The following NLGN1 variants were observed in gnomAD, a reference collection of about 807,000 sequenced individuals.
NLGN1 encodes the protein neuroligin-1.
In NLGN1, 12 loss-of-function variants were observed where a neutral mutation model predicts 65.5. The observed-to-expected ratio is 0.18, with a 90% CI of 0.12 to 0.30. The LOEUF (loss-of-function observed/expected upper bound fraction) is 0.30. NLGN1 is among the 10% of genes least tolerant of loss of function. The probability of loss-of-function intolerance (pLI) is 1.00; values close to 1 mark genes in which losing one functional copy is unlikely to be tolerated. For synonymous variants in NLGN1, 350 were observed against 359.5 expected (o/e 0.97, Z 0.30); for missense variants, 750 against 1,007.1 (o/e 0.74, Z 3.46).
At chr3:173,734,976 CT>C (rs1773512752) in intron 3 of NLGN1, among the ~76,000 whole-genome samples, 1 of 152,076 alleles carries the variant, frequency 6.6e-6, no homozygotes, top group South Asian at 2.1e-4. Context: ...ACATTCTTCT[CT>C]GCAAAGGTTT....
chr3:173,843,412 C>T (rs544046102), intron 4 of NLGN1, among the ~76,000 whole-genome samples: 2 of 152,334 alleles, frequency 1.3e-5, no homozygotes, highest in African/African-American at 4.8e-5. Flanking sequence ...ATTTTCTTTT[C>T]TATTGCATTG....
intron 4 of NLGN1, among the ~76,000 whole-genome samples, chr3:174,137,863 A>G (rs1299526246): frequency 1.3e-5 from 2 of 152,190 alleles, no homozygotes; most frequent in East Asian, 3.8e-4. Flanking sequence ...CTGGGAATAA[A>G]CAAAAACAGA....
chr3:173,680,282 C>A (rs1042956114), intron 3 of NLGN1, among the ~76,000 whole-genome samples: 2 of 152,026 alleles, frequency 1.3e-5, no homozygotes, highest in Non-Finnish European at 2.9e-5. Flanking sequence ...TTAAGTATTT[C>A]ACTTACTTAT....
intron 4 of NLGN1, among the ~76,000 whole-genome samples, chr3:174,018,332 G>A (rs979504437): frequency 4.6e-5 from 7 of 152,012 alleles, no homozygotes; most frequent in Non-Finnish European, 8.8e-5. Flanking sequence ...CTCAGCTTAC[G>A]AAGATGACAG....
chr3:174,059,090 T>A (rs1736820713), intron 4 of NLGN1, among the ~76,000 whole-genome samples: 1 of 152,154 alleles, frequency 6.6e-6, no homozygotes, highest in Non-Finnish European at 1.5e-5. Flanking sequence ...TCTTCAAGTG[T>A]TTGGTGCTAA....
chr3:173,906,267 A>AT (rs1738368681), intron 4 of NLGN1, among the ~76,000 whole-genome samples: 2 of 151,998 alleles, frequency 1.3e-5, no homozygotes, highest in South Asian at 4.1e-4. Context: ...TTTTATTAGC[A>AT]TTTTTTCCAT....
intron 2 of NLGN1, among the ~76,000 whole-genome samples, chr3:173,573,894 T>TCTA (rs1271017899): frequency 6.6e-6 from 1 of 151,132 alleles, no homozygotes; most frequent in Non-Finnish European, 1.5e-5. Flanking sequence ...AAACCCCGTC[T>TCTA]CTACTAAAAA....
chr3:173,707,576 C>T (rs1560208773), intron 3 of NLGN1, among the ~76,000 whole-genome samples: 2 of 152,080 alleles, frequency 1.3e-5, no homozygotes, highest in Admixed American at 1.3e-4. Context: ...GACTGAGTCT[C>T]TGTCTCCCAA....
chr3:173,432,587 T>A lies in NLGN1; in HGVS notation c.-389-2423T>A, dbSNP rs375992327. Among the ~76,000 whole-genome samples the A allele has an allele frequency of 1.9e-4, 29 of 152,348 alleles. No individual in the cohort carries two copies. In the East Asian group the frequency reaches 3.7e-3, roughly 19 times the overall value. On this transcript the variant is annotated intron_variant, in intron 1 of 6. Transcript: ENST00000457714. The stretch of plus-strand genomic sequence containing the variant: ...TTTAATCAGGTTATTCATTTTTTTA[T>A]TGTTGAGTTTTAAGAGTTCCTTGTA...
At chr3:174,028,345 T>G (rs1306969248) in intron 4 of NLGN1, among the ~76,000 whole-genome samples, 1 of 152,150 alleles carries the variant, frequency 6.6e-6, no homozygotes. Context: ...AAAATGCAGA[T>G]AGTGATATGG....
At chr3:173,466,483 T>G (rs981734467) in intron 2 of NLGN1, among the ~76,000 whole-genome samples, 2 of 152,124 alleles carry the variant, frequency 1.3e-5, no homozygotes, top group Non-Finnish European at 2.9e-5. Context: ...GGGAAGGAGG[T>G]GCAGAATAGG....
intron 4 of NLGN1, among the ~76,000 whole-genome samples, chr3:173,916,534 A>G (rs1740763460): frequency 6.6e-6 from 1 of 152,180 alleles, no homozygotes; most frequent in Non-Finnish European, 1.5e-5. Flanking sequence ...TGTCATAATA[A>G]TAATTAGGAC....
At chr3:174,095,720 C>T (rs1425694548) in intron 4 of NLGN1, among the ~76,000 whole-genome samples, 2 of 151,924 alleles carry the variant, frequency 1.3e-5, no homozygotes, top group Admixed American at 1.3e-4. Flanking sequence ...TAATTTTAGG[C>T]TGGGCACAGT....
chr3:173,552,042 C>A (rs756452216), intron 2 of NLGN1, among the ~76,000 whole-genome samples: 1 of 152,194 alleles, frequency 6.6e-6, no homozygotes, highest in South Asian at 2.1e-4. Flanking sequence ...TGAATGATCT[C>A]CTCCTTTGAG....
intron 2 of NLGN1, among the ~76,000 whole-genome samples, chr3:173,447,477 A>G (rs2148825736): frequency 6.6e-6 from 1 of 152,272 alleles, no homozygotes; most frequent in South Asian, 2.1e-4. Flanking sequence ...GCCTTGTAGT[A>G]TAGTTTGAAG....
chr3:173,420,153 GC>G, intron 1 of NLGN1, among the ~76,000 whole-genome samples: 1 of 150,164 alleles, frequency 6.7e-6, no homozygotes, highest in Non-Finnish European at 1.5e-5. Flanking sequence ...GTATACATGT[GC>G]CATGTTGGTG....
At chr3:174,263,282 G>A (rs1161916394) in intron 4 of NLGN1, among the ~76,000 whole-genome samples, 1 of 145,776 alleles carries the variant, frequency 6.9e-6, no homozygotes, top group Non-Finnish European at 1.5e-5. Flanking sequence ...TGACAGTGGG[G>A]TGTTAAAGTC....
intron 4 of NLGN1, among the ~76,000 whole-genome samples, chr3:174,148,622 A>G (rs1723781200): frequency 6.6e-6 from 1 of 152,194 alleles, no homozygotes; most frequent in Non-Finnish European, 1.5e-5. Context: ...TGTTTAATAA[A>G]TACATCATAT....
At chr3:173,749,201 A>G (rs543059496) in intron 3 of NLGN1, among the ~76,000 whole-genome samples, 3 of 152,130 alleles carry the variant, frequency 2.0e-5, no homozygotes, top group South Asian at 4.1e-4. Flanking sequence ...CCTTTTTGCT[A>G]TAACTTAGAA....
Sources: gnomAD v4.1 joint callset for allele counts (sites outside exome capture counted in the v4.1 genomes callset) on GRCh38, gnomAD v4.1.1 for gene constraint, MANE v1.5 for transcripts, NCBI Gene and HGNC (gene_info 2026-07-23, HGNC 2026-07-21) for gene names.